The following EHBP1 variants were observed in gnomAD, a reference collection of about 807,000 sequenced individuals.
EHBP1 encodes the protein EH domain binding protein 1.
A neutral mutation model predicts 144.0 loss-of-function variants in EHBP1; 55 were observed. The observed-to-expected ratio is 0.38, with a 90% confidence interval of 0.31 to 0.48. The LOEUF is 0.48. Among genes scored for constraint, EHBP1 ranks in the 20% least tolerant of loss-of-function variants. EHBP1 has a pLI of 0.98. For missense variants in EHBP1, 1,200 were observed against 1,364.2 expected, an observed-to-expected ratio of 0.88 and a Z score of 1.90; for synonymous variants, 469 against 472.7, an observed-to-expected ratio of 0.99 and a Z score of 0.10.
chr2:62,909,924 A>AT (rs1265020232), intron 10 of EHBP1, among the ~76,000 whole-genome samples: 2 of 151,810 alleles, frequency 1.3e-5, no homozygotes, highest in East Asian at 1.9e-4. Flanking sequence ...CACCCAGCAA[A>AT]TTTTTTTAAC....
chr2:62,812,606 G>C (rs1156657029), intron 5 of EHBP1, among the ~76,000 whole-genome samples: 3 of 152,078 alleles, frequency 2.0e-5, no homozygotes, highest in African/African-American at 7.3e-5. Context: ...GAGGAAGAAG[G>C]TATTGGGTAC....
At chr2:62,892,168 G>A (rs547562121) in intron 10 of EHBP1, among the ~76,000 whole-genome samples, 18 of 152,228 alleles carry the variant, frequency 1.2e-4, no homozygotes, top group Admixed American at 4.6e-4. Context: ...ATAGTGTGAC[G>A]TAACCATTTG....
At chr2:62,913,840 A>G (rs777384686) in intron 10 of EHBP1, among the ~76,000 whole-genome samples, 4 of 152,212 alleles carry the variant, frequency 2.6e-5, no homozygotes, top group African/African-American at 7.2e-5. Flanking sequence ...AGTAAAGCAT[A>G]ACTCCTCAAT....
Position 63,037,644 on chromosome 2 carries a change from C to G in EHBP1, c.3203+10C>G. Reference sequence around the variant, plus strand: ...ATCAGCTCTCTCTTCTGTAAGTACTCATCATTATGCTTGTTTTGCCTACAA... The same window carrying G: ...ATCAGCTCTCTCTTCTGTAAGTACTGATCATTATGCTTGTTTTGCCTACAA... On this transcript the variant is annotated intron_variant, in intron 20 of 22. Coordinates refer to ENST00000431489, the MANE Select transcript of EHBP1 (RefSeq NM_001142616.3). 1 of 1,479,042 alleles carries G rather than the reference C, an allele frequency of 6.8e-7. No individual in the cohort carries two copies. The highest frequency in any genetic ancestry group is 1.3e-5 in the South Asian group (1 of 79,566). 91.6% of individuals were successfully genotyped at this position (1,479,042 alleles called of 1,614,324 possible).
chr2:62,725,039 C>G (rs189852167), intron 2 of EHBP1, among the ~76,000 whole-genome samples: 205 of 152,292 alleles, frequency 1.3e-3, no homozygotes, highest in Non-Finnish European at 2.2e-3. Context: ...GACTTCATTT[C>G]TGGAAGATTT....
chr2:62,812,731 GAAGAAGTAACT>G (rs1166394027), intron 5 of EHBP1, among the ~76,000 whole-genome samples: 4 of 152,214 alleles, frequency 2.6e-5, no homozygotes, highest in Admixed American at 2.0e-4. Flanking sequence ...ATATCTGGCG[GAAGAAGTAACT>G]AAGCAAAATA....
intron 2 of EHBP1, among the ~76,000 whole-genome samples, chr2:62,717,134 G>A (rs897275959): frequency 6.6e-5 from 10 of 152,076 alleles, no homozygotes; most frequent in African/African-American, 1.9e-4. Flanking sequence ...TCTTTTCGTA[G>A]TGTGTAATTT....
chr2:62,728,742 A>G (rs569895909), intron 2 of EHBP1, among the ~76,000 whole-genome samples: 57 of 151,938 alleles, frequency 3.8e-4, no homozygotes, highest in African/African-American at 1.2e-3. Flanking sequence ...CATAAAATGT[A>G]GTGTGTCTAT....
intron 1 of EHBP1, among the ~76,000 whole-genome samples, chr2:62,691,674 G>T (rs2033910531): frequency 6.6e-6 from 1 of 152,126 alleles, no homozygotes; most frequent in South Asian, 2.1e-4. Context: ...ACTGATAAAT[G>T]AACAGAATGG....
chr2:63,004,119 C>A (rs2059943483), intron 19 of EHBP1, among the ~76,000 whole-genome samples: 1 of 151,984 alleles, frequency 6.6e-6, no homozygotes, highest in Admixed American at 6.6e-5. Context: ...GTTTTGACTT[C>A]CACTTTTCTG....
chr2:62,937,881 TTTA>T (rs771385140), intron 10 of EHBP1, among the ~76,000 whole-genome samples: 3 of 152,168 alleles, frequency 2.0e-5, no homozygotes, highest in Non-Finnish European at 4.4e-5. Context: ...CATTAGAGAC[TTTA>T]AGCCGTGCTT....
At chr2:62,791,413 A>G (rs1452724163) in intron 5 of EHBP1, among the ~76,000 whole-genome samples, 2 of 152,050 alleles carry the variant, frequency 1.3e-5, no homozygotes, top group African/African-American at 4.8e-5. Flanking sequence ...AGTTCAATGC[A>G]TGTGATTCCC....
intron 7 of EHBP1, among the ~76,000 whole-genome samples, chr2:62,850,051 A>G (rs2048569112): frequency 6.6e-6 from 1 of 152,304 alleles, no homozygotes; most frequent in East Asian, 1.9e-4. Flanking sequence ...ATTAAAACAG[A>G]CTGAGACAGA....
chr2:62,854,464 G>C (rs2048891501), intron 7 of EHBP1, among the ~76,000 whole-genome samples: 1 of 152,180 alleles, frequency 6.6e-6, no homozygotes, highest in African/African-American at 2.4e-5. Flanking sequence ...TTCATTTAAA[G>C]GGAGAGACAT....
intron 14 of EHBP1, among the ~76,000 whole-genome samples, chr2:62,973,013 A>G (rs1055792524): frequency 6.6e-6 from 1 of 152,182 alleles, no homozygotes; most frequent in African/African-American, 2.4e-5. Flanking sequence ...CAAACAAACA[A>G]TTTACATGGA....
intron 3 of EHBP1, among the ~76,000 whole-genome samples, chr2:62,754,425 G>T (rs1165528603): frequency 2.0e-5 from 3 of 152,174 alleles, no homozygotes; most frequent in Non-Finnish European, 2.9e-5. Context: ...TCCCAGTTAG[G>T]CTACTCGGGG....
At chr2:62,777,142 T>A (rs1428246746) in intron 5 of EHBP1, among the ~76,000 whole-genome samples, 1 of 152,156 alleles carries the variant, frequency 6.6e-6, no homozygotes, top group East Asian at 1.9e-4. Flanking sequence ...ACCTTGCTAA[T>A]TTTCTATTTT....
intron 13 of EHBP1, among the ~76,000 whole-genome samples, chr2:62,954,646 A>G (rs2057585126): frequency 6.6e-6 from 1 of 152,174 alleles, no homozygotes; most frequent in South Asian, 2.1e-4. Context: ...ACTAATCTTA[A>G]AAAAGATGGT....
intron 1 of EHBP1, among the ~76,000 whole-genome samples, chr2:62,693,315 T>C (rs960176368): frequency 1.3e-5 from 2 of 152,144 alleles, no homozygotes; most frequent in East Asian, 3.9e-4. Context: ...AGTGATTCAA[T>C]ACACATGGGA....
Sources: allele counts gnomAD v4.1 joint callset (sites outside exome capture counted in the v4.1 genomes callset), GRCh38; gene constraint gnomAD v4.1.1; transcripts MANE v1.5; gene names NCBI Gene and HGNC (gene_info 2026-07-23, HGNC 2026-07-21).